Variants in LDLRAP1 observed in about 807,000 individuals in gnomAD.
LDLRAP1 encodes low density lipoprotein receptor adapter protein 1.
In LDLRAP1, 30 loss-of-function variants were observed where a neutral mutation model predicts 37.8. The ratio of observed to expected loss-of-function variants is 0.79; its 90% CI spans 0.59 to 1.08. The LOEUF is 1.08. Ranked by LOEUF, LDLRAP1 falls within the 50% of genes least tolerant of loss-of-function variation. The probability of loss-of-function intolerance (pLI) is 0.00; values close to 1 mark genes in which losing one functional copy is unlikely to be tolerated. For synonymous variants in LDLRAP1, 156 were observed against 169.8 expected, an observed-to-expected ratio of 0.92 and a Z score of 0.63; for missense variants, 375 against 401.6, an observed-to-expected ratio of 0.93 and a Z score of 0.57.
chr1:25,563,896 T>C, intron 7 of LDLRAP1, 105 bp downstream of exon 7: 3 of 1,503,608 alleles, frequency 2.0e-6, no homozygotes, highest in South Asian at 1.1e-5. Flanking sequence ...CTTGTGGGCC[T>C]CTGGGAGGAC....
rs148310248 is a variant in LDLRAP1 at position 25,548,975 on chromosome 1, G to A, written c.89-4947G>A. On this transcript the variant is annotated intron_variant, in intron 1 of 8. Coordinates refer to ENST00000374338, the MANE Select transcript of LDLRAP1 (RefSeq NM_015627.3). ...CTGTCTTGTCCCTGTTTTAAAGTTA[G>A]GACACTGAGATCCAGGGAGGTTCAG... 3.1e-3 allele frequency among the ~76,000 whole-genome samples: 470 copies of A among 152,236 alleles called. 2 individuals are homozygous for A. In the Middle Eastern group the frequency reaches 0.034, roughly 11 times the overall value.
At chr1:25,572,434 T>C (rs2044618241), downstream of LDLRAP1, among the ~76,000 whole-genome samples, 2 of 152,182 alleles carry the variant, frequency 1.3e-5, no homozygotes, top group Admixed American at 1.3e-4. Flanking sequence ...TGGCATGGCA[T>C]GCCCAGCCTG....
intron 4 of LDLRAP1, among the ~76,000 whole-genome samples, chr1:25,562,414 C>T (rs2124688002): frequency 6.6e-6 from 1 of 152,342 alleles, no homozygotes; most frequent in East Asian, 1.9e-4. Context: ...GATGGGGACT[C>T]TACTGCCTCT....
At chr1:25,545,295 T>G (rs1248301353) in intron 1 of LDLRAP1, among the ~76,000 whole-genome samples, 1 of 152,130 alleles carries the variant, frequency 6.6e-6, no homozygotes, top group African/African-American at 2.4e-5. Context: ...GAAGGGAGGC[T>G]AGAAAGAAAT....
Position 25,554,867 on chromosome 1 carries a change from C to G in LDLRAP1, c.239C>G (p.Ala80Gly). The G allele has an allele frequency of 6.2e-7, 1 of 1,613,562 alleles. No homozygotes were observed. Among genetic ancestry groups the G allele is most frequent in the Non-Finnish European group, 8.5e-7 (1 of 1,179,524 alleles). Reference protein sequence around the residue: ...AIKRIVATAKASGKKLQKVTL... With the variant: ...AIKRIVATAKGSGKKLQKVTL... The stretch of plus-strand genomic sequence containing the variant: ...CTCCTGTCTGCTCCCAAGGCTAAGG[C>G]CAGTGGGAAGAAGCTGCAGAAGGTG... The change falls in exon 3 of 9, where the codon GCC becomes GGC. Residue 80 changes from alanine (A) to glycine (G), a missense_variant. Transcript: ENST00000374338. The surrounding 1 kb of genome is among the most constrained non-coding windows in gnomAD (Gnocchi z 5.4).
At chr1:25,583,735 A>G in the LDLRAP1 span, among the ~76,000 whole-genome samples, 5 of 151,868 alleles carry the variant, frequency 3.3e-5, no homozygotes, top group Non-Finnish European at 7.4e-5. Context: ...CACCTTTTGT[A>G]GTTTCCCATC....
rs2044543519 is a variant in LDLRAP1, at chr1:25,568,476, A to G, written c.*1484A>G. ...TCCCAGTGGCCTGGCTTGTCGGAGC[A>G]AGTTTCATCAGCCCTAGGGAAAACA... On this transcript the variant is annotated 3_prime_UTR_variant, in exon 9 of 9. Coordinates refer to ENST00000374338, the MANE Select transcript of LDLRAP1 (RefSeq NM_015627.3). The G allele has an allele frequency of 1.3e-5, 2 of 152,214 alleles. No individual in the cohort carries two copies. Among genetic ancestry groups the G allele is most frequent in the Admixed American group, 6.5e-5 (1 of 15,286 alleles). 9.4% of individuals were successfully genotyped at this position (152,214 alleles called of 1,614,324 possible). A position where few individuals can be genotyped will look rare whatever the true frequency, so the allele number is the denominator to read the frequency against.
chr1:25,563,790 GGGTGAGTGGTTGTGTGGC>G lies in LDLRAP1; in HGVS notation c.747_747+17del. On this transcript the variant is annotated splice_donor_variant and splice_donor_5th_base_variant and coding_sequence_variant and intron_variant, in exon 7 of 9. Transcript: ENST00000374338. LOFTEE classifies it high-confidence loss of function. Reference sequence around the variant, plus strand: ...GCCTTGAGTGGCAGCAGTGTTGTCTGGGTGAGTGGTTGTGTGGCCAGCAGATCGGTGATCCTCAGCCTG... The same window carrying G: ...GCCTTGAGTGGCAGCAGTGTTGTCTGCAGCAGATCGGTGATCCTCAGCCTG... The G allele has an allele frequency of 6.2e-7, 1 of 1,613,720 alleles. No homozygotes were observed. The highest frequency in any genetic ancestry group is 8.5e-7 in the Non-Finnish European group (1 of 1,180,032).
At position 25,544,775 on chromosome 1, in the gene LDLRAP1, A is replaced by G. The variant is rs1392646049; in HGVS notation, c.88+989A>G. On this transcript the variant is annotated intron_variant, in intron 1 of 8. Coordinates refer to ENST00000374338, the MANE Select transcript of LDLRAP1 (RefSeq NM_015627.3). The surrounding 1 kb of genome is among the most constrained non-coding windows in gnomAD (Gnocchi z 4.8). ...TGGAGCCAGAGCCCAGGACTGCTGC[A>G]CACTCCCACCTCCCTGCCACCTACT... Among the ~76,000 whole-genome samples the G allele has an allele frequency of 2.0e-5, 3 of 152,160 alleles. No homozygotes were observed. Among genetic ancestry groups the G allele is most frequent in the Non-Finnish European group, 4.4e-5 (3 of 68,032 alleles).
chr1:25,557,187 A>C lies in LDLRAP1; in HGVS notation c.379A>C (p.Lys127Gln). 1 of 1,614,130 alleles carries C rather than the reference A, an allele frequency of 6.2e-7. No individual in the cohort carries two copies. Among genetic ancestry groups the C allele is most frequent in the Non-Finnish European group, 8.5e-7 (1 of 1,180,000 alleles). ...TTGCACAGCAGACAAGATGCACGAC[A>C]AGGTGTTTGCATACATCGCCCAGAG... is the stretch of plus-strand genomic sequence containing the variant. ...SYCTADKMHD[K>Q]VFAYIAQSQH... The change falls in exon 4 of 9, where the codon AAG becomes CAG. Residue 127 changes from lysine to glutamine, a missense_variant. Transcript: ENST00000374338.
intron 1 of LDLRAP1, among the ~76,000 whole-genome samples, chr1:25,549,555 T>G (rs978271284): frequency 6.6e-6 from 1 of 152,200 alleles, no homozygotes; most frequent in Non-Finnish European, 1.5e-5. Context: ...CCCAGCTAAC[T>G]CCAGCAGCAG....
At chr1:25,565,010 C>A in intron 7 of LDLRAP1, 163 bp from the exon 8 acceptor site, 1 of 727,700 alleles carries the variant, frequency 1.4e-6, no homozygotes, top group Non-Finnish European at 2.5e-6. Context: ...GAGATGCTGG[C>A]GATGCACCCA....
rs2044449728 is a variant in LDLRAP1 at position 25,565,316 on chromosome 1, C to T, written c.782+109C>T. 5 of 1,229,992 alleles carry T rather than the reference C, an allele frequency of 4.1e-6. No individual in the cohort carries two copies. The Admixed American group carries it at 5.1e-5, about 13-fold the overall frequency. The allele number at this position is 1,229,992 out of a possible 1,614,324, so 76.2% of individuals were successfully genotyped here. On this transcript the variant is annotated intron_variant, in intron 8 of 8. Transcript: ENST00000374338. ...TGATTAAGAACACAAGCCACTCAGA[C>T]CCCCTCCAGAGCAACAGTCCCATCC... is the stretch of plus-strand genomic sequence containing the variant.
chr1:25,558,492 G>C (rs533732112), intron 4 of LDLRAP1, among the ~76,000 whole-genome samples: 2 of 152,316 alleles, frequency 1.3e-5, no homozygotes, highest in African/African-American at 4.8e-5. Flanking sequence ...AAGTAGATCA[G>C]GAGTCTAAAC....
At chr1:25,583,822 A>T in the LDLRAP1 span, among the ~76,000 whole-genome samples, 12 of 151,710 alleles carry the variant, frequency 7.9e-5, no homozygotes, top group Non-Finnish European at 2.9e-5. Flanking sequence ...GGCAACCACT[A>T]ATCTGCTTTC....
chr1:25,585,134 C>T, the LDLRAP1 span, among the ~76,000 whole-genome samples: 3 of 151,948 alleles, frequency 2.0e-5, no homozygotes, highest in Non-Finnish European at 2.9e-5. Context: ...CTGGCGGTGG[C>T]GACAGTGGCA....
chr1:25,556,904 G>T (rs1387199162), intron 3 of LDLRAP1, among the ~76,000 whole-genome samples: 1 of 152,208 alleles, frequency 6.6e-6, no homozygotes, highest in Non-Finnish European at 1.5e-5. Flanking sequence ...AGTGTGGGAT[G>T]GGAGGGAGAG....
At chr1:25,578,015 A>G in the LDLRAP1 span, among the ~76,000 whole-genome samples, 1 of 152,178 alleles carries the variant, frequency 6.6e-6, no homozygotes, top group Non-Finnish European at 1.5e-5. Context: ...TAGCTCTGTC[A>G]TCAGTGAAGC....
intron 1 of LDLRAP1, among the ~76,000 whole-genome samples, chr1:25,552,376 G>A (rs2044091770): frequency 6.6e-6 from 1 of 152,220 alleles, no homozygotes; most frequent in African/African-American, 2.4e-5. Flanking sequence ...GAGGTAGGGA[G>A]GGCCCAGGAC....
Sources: gnomAD v4.1 joint callset for allele counts (sites outside exome capture counted in the v4.1 genomes callset) on GRCh38, gnomAD v4.1.1 for gene constraint, Gnocchi (gnomAD v3.1) non-coding constraint, MANE v1.5 for transcripts, NCBI Gene and HGNC (gene_info 2026-07-23, HGNC 2026-07-21) for gene names.